The following KLHL7 variants were observed in gnomAD, a reference collection of about 807,000 sequenced individuals.
KLHL7 encodes the protein kelch-like protein 7.
KLHL7 carries 44 observed loss-of-function variants against 67.4 expected under a neutral mutation model. The ratio of observed to expected loss-of-function variants is 0.65; its 90% CI spans 0.51 to 0.84. The LOEUF (loss-of-function observed/expected upper bound fraction) is 0.84, where lower values mean the gene tolerates loss of function less well. KLHL7 is among the 40% of genes least tolerant of loss of function. The probability of loss-of-function intolerance (pLI) is 0.00; values close to 1 mark genes in which losing one functional copy is unlikely to be tolerated. For synonymous variants in KLHL7, 252 were observed against 243.3 expected (o/e 1.04, Z -0.33); for missense variants, 362 against 718.1 (o/e 0.50, Z 5.67).
chr7:23,125,449 A>G (rs1783532520), intron 4 of KLHL7, among the ~76,000 whole-genome samples: 2 of 152,200 alleles, frequency 1.3e-5, no homozygotes, highest in African/African-American at 4.8e-5. Context: ...TAAGGATTGC[A>G]TGTGGTGATA....
chr7:23,123,637 C>A, intron 1 of KLHL7, 140 bp from the exon 2 acceptor site: 1 of 665,146 alleles, frequency 1.5e-6, no homozygotes, highest in South Asian at 1.8e-5. Context: ...AATATGTCTT[C>A]AAAAGAAATT....
Position 23,105,802 on chromosome 7 carries a change from G to T in KLHL7, c.-225G>T. ...CAGGGCTCGGGTTCTGCCCGGGGAC[G>T]CAGCCCAGTTGGTAGCGTCGCTCCC... On this transcript the variant is annotated 5_prime_UTR_variant, in exon 1 of 11. Coordinates refer to ENST00000339077, the MANE Select transcript of KLHL7 (RefSeq NM_001031710.3). The T allele has an allele frequency of 1.7e-6, 1 of 595,916 alleles. No homozygotes were observed. The highest frequency in any genetic ancestry group is 1.9e-5 in the South Asian group (1 of 53,820). 36.9% of individuals were successfully genotyped at this position (595,916 alleles called of 1,614,324 possible).
intron 1 of KLHL7, chr7:23,106,569 G>C: frequency 1.9e-6 from 2 of 1,050,634 alleles, no homozygotes; most frequent in Non-Finnish European, 2.3e-6. Flanking sequence ...TTGCTGGCCT[G>C]ACATCAGCTG....
At chr7:23,109,868 T>C (rs748922990) in intron 1 of KLHL7, among the ~76,000 whole-genome samples, 1 of 152,266 alleles carries the variant, frequency 6.6e-6, no homozygotes, top group African/African-American at 2.4e-5. Context: ...TTCTTTTTCC[T>C]GTACTTTACT....
chr7:23,128,830 T>G (rs913078478), intron 4 of KLHL7, among the ~76,000 whole-genome samples: 1 of 152,200 alleles, frequency 6.6e-6, no homozygotes, highest in Non-Finnish European at 1.5e-5. Flanking sequence ...TCATATAAAT[T>G]GAATCATACC....
intron 4 of KLHL7, among the ~76,000 whole-genome samples, chr7:23,137,202 T>A (rs2128463477): frequency 6.6e-6 from 1 of 152,266 alleles, no homozygotes; most frequent in Middle Eastern, 3.4e-3. Context: ...GGGGAATCAC[T>A]TGAACTCCAG....
intron 7 of KLHL7, among the ~76,000 whole-genome samples, chr7:23,158,042 T>C (rs6968416): frequency 0.93 from 140,853 of 152,248 alleles, 65,342 homozygotes; most frequent in East Asian, 0.99. Flanking sequence ...CGTGGCTCAC[T>C]GCAGCCTTGA....
At chr7:23,129,371 A>T in intron 4 of KLHL7, 2 of 380,440 alleles carry the variant, frequency 5.3e-6, no homozygotes, top group South Asian at 4.5e-5. Flanking sequence ...ACCAAGGGAA[A>T]CTCATCCCAA....
At chr7:23,155,227 T>A (rs1784664174) in intron 7 of KLHL7, among the ~76,000 whole-genome samples, 1 of 152,154 alleles carries the variant, frequency 6.6e-6, no homozygotes, top group Non-Finnish European at 1.5e-5. Context: ...CTGTGTGCTA[T>A]CCAATAAGCA....
chr7:23,149,263 A>C (rs1784457106), intron 6 of KLHL7, among the ~76,000 whole-genome samples: 1 of 152,200 alleles, frequency 6.6e-6, no homozygotes, highest in Non-Finnish European at 1.5e-5. Flanking sequence ...TCCTCAGAGA[A>C]AGATACCAAA....
At chr7:23,141,637 T>C (rs1023023363) in intron 5 of KLHL7, among the ~76,000 whole-genome samples, 2 of 151,622 alleles carry the variant, frequency 1.3e-5, no homozygotes, top group Admixed American at 6.6e-5. Flanking sequence ...TTCATTCATT[T>C]ATTGAGACGG....
intron 5 of KLHL7, 85 bp from the exon 6 acceptor site, chr7:23,143,766 T>C: frequency 7.4e-7 from 1 of 1,350,166 alleles, no homozygotes; most frequent in Non-Finnish European, 1.1e-6. Context: ...TATGAGGTTC[T>C]CTCCCTTCAA....
At chr7:23,118,044 T>A (rs904826686) in intron 1 of KLHL7, 71 of 1,513,916 alleles carry the variant, frequency 4.7e-5, no homozygotes, top group Non-Finnish European at 6.3e-5. Context: ...CTCTTACTAA[T>A]GACAGCACAT....
At chr7:23,157,966 G>A (rs1485982880) in intron 7 of KLHL7, among the ~76,000 whole-genome samples, 1 of 152,158 alleles carries the variant, frequency 6.6e-6, no homozygotes, top group Non-Finnish European at 1.5e-5. Flanking sequence ...CCGTGAAGTT[G>A]TGTTGTGTCG....
At chr7:23,118,002 A>G in intron 1 of KLHL7, 1 of 1,612,536 alleles carries the variant, frequency 6.2e-7, no homozygotes. Flanking sequence ...GGATATAACA[A>G]AGAATAGAAC....
intron 4 of KLHL7, 22 bp downstream of exon 4, chr7:23,125,194 TTG>T: frequency 1.9e-6 from 3 of 1,610,734 alleles, no homozygotes; most frequent in Non-Finnish European, 2.5e-6. Flanking sequence ...CAGATTCCTG[TTG>T]TGTGTTTATT....
intron 7 of KLHL7, among the ~76,000 whole-genome samples, chr7:23,153,858 T>C (rs1286593002): frequency 6.6e-6 from 1 of 152,198 alleles, no homozygotes; most frequent in Non-Finnish European, 1.5e-5. Context: ...ATCTCTAATA[T>C]GTAGGAGGTG....
chr7:23,150,947 G>A (rs1269575910), intron 6 of KLHL7, among the ~76,000 whole-genome samples: 1 of 152,012 alleles, frequency 6.6e-6, no homozygotes, highest in Non-Finnish European at 1.5e-5. Context: ...TAAGTTGCTG[G>A]TAATTCTTAT....
intron 1 of KLHL7, among the ~76,000 whole-genome samples, chr7:23,122,178 GTCAT>G (rs2128459624): frequency 6.6e-6 from 1 of 152,086 alleles, no homozygotes; most frequent in African/African-American, 2.4e-5. Flanking sequence ...TGCCTATAAA[GTCAT>G]TCTACTTATA....
Sources: gnomAD v4.1 joint callset for allele counts (sites outside exome capture counted in the v4.1 genomes callset) on GRCh38, gnomAD v4.1.1 for gene constraint, MANE v1.5 for transcripts, NCBI Gene and HGNC (gene_info 2026-07-23, HGNC 2026-07-21) for gene names.